Variants in CPNE4 observed in about 807,000 individuals in gnomAD.
CPNE4 encodes copine 4, also known as copine-4.
Under a neutral mutation model 67.9 loss-of-function variants are expected in CPNE4, and 25 were observed. The ratio of observed to expected loss-of-function variants is 0.37; its 90% CI spans 0.27 to 0.51. CPNE4 has a LOEUF of 0.51. Ranked by LOEUF, CPNE4 falls within the 20% of genes least tolerant of loss-of-function variation. The pLI, the probability that CPNE4 is intolerant of heterozygous loss-of-function variation, is 0.93. For synonymous variants in CPNE4, 242 were observed against 244.9 expected, an observed-to-expected ratio of 0.99 and a Z score of 0.11; for missense variants, 464 against 690.8, an observed-to-expected ratio of 0.67 and a Z score of 3.68.
At chr3:131,790,015 T>C (rs1006060616) in intron 2 of CPNE4, among the ~76,000 whole-genome samples, 1 of 152,160 alleles carries the variant, frequency 6.6e-6, no homozygotes, top group Non-Finnish European at 1.5e-5. Context: ...TCAGATCATT[T>C]AGTGGACATT....
At chr3:131,933,152 G>A (rs1483792340) in intron 1 of CPNE4, among the ~76,000 whole-genome samples, 2 of 152,070 alleles carry the variant, frequency 1.3e-5, no homozygotes, top group African/African-American at 4.8e-5. Context: ...TAAGGGCAAT[G>A]GTGAATAACT....
intron 2 of CPNE4, among the ~76,000 whole-genome samples, chr3:131,891,893 C>T (rs2088131607): frequency 6.6e-6 from 1 of 152,018 alleles, no homozygotes; most frequent in African/African-American, 2.4e-5. Context: ...GCTCATCTCA[C>T]CTCCACAAAA....
At chr3:131,994,917 A>C (rs530005198) in intron 1 of CPNE4, among the ~76,000 whole-genome samples, 1 of 152,270 alleles carries the variant, frequency 6.6e-6, no homozygotes, top group African/African-American at 2.4e-5. Flanking sequence ...TATGCCAAAC[A>C]ATTTTTTAAT....
intron 2 of CPNE4, among the ~76,000 whole-genome samples, chr3:131,743,911 C>T (rs574741257): frequency 8.3e-6 from 1 of 120,532 alleles, no homozygotes; most frequent in African/African-American, 3.1e-5. Flanking sequence ...TGCAGTGAGC[C>T]GAGATCGCGC....
At chr3:131,669,554 G>T (rs2080353075) in intron 7 of CPNE4, 121 bp downstream of exon 7, 1 of 676,504 alleles carries the variant, frequency 1.5e-6, no homozygotes. Context: ...GATGCTAAAA[G>T]ATGAGAGGGT....
At chr3:131,596,650 A>AAAAAAT in intron 7 of CPNE4, among the ~76,000 whole-genome samples, 1 of 150,246 alleles carries the variant, frequency 6.7e-6, no homozygotes, top group Non-Finnish European at 1.5e-5. Flanking sequence ...AAAAAAAAAA[A>AAAAAAT]AATTAAGTAA....
chr3:131,730,334 T>C (rs1458400137), intron 2 of CPNE4, among the ~76,000 whole-genome samples: 2 of 152,222 alleles, frequency 1.3e-5, no homozygotes, highest in Admixed American at 1.3e-4. Context: ...ATTTTACAAA[T>C]GATCCTATTA....
intron 2 of CPNE4, among the ~76,000 whole-genome samples, chr3:131,845,613 G>A (rs1256474723): frequency 6.6e-6 from 1 of 152,128 alleles, no homozygotes; most frequent in African/African-American, 2.4e-5. Context: ...TGTGGCCCAA[G>A]GCAGTTCAAA....
chr3:131,983,262 T>G (rs1290050529), intron 1 of CPNE4, among the ~76,000 whole-genome samples: 1 of 152,164 alleles, frequency 6.6e-6, no homozygotes, highest in African/African-American at 2.4e-5. Context: ...AACAGTAGGA[T>G]TCACCCTTAA....
chr3:131,935,948 A>G (rs1237980729), intron 1 of CPNE4, among the ~76,000 whole-genome samples: 2 of 151,964 alleles, frequency 1.3e-5, no homozygotes, highest in Non-Finnish European at 2.9e-5. Context: ...AAGCATTAAG[A>G]AAACCCAGGA....
intron 2 of CPNE4, among the ~76,000 whole-genome samples, chr3:131,772,044 G>T (rs2083180706): frequency 1.3e-5 from 2 of 152,070 alleles, no homozygotes; most frequent in South Asian, 2.1e-4. Context: ...AAATGAACAG[G>T]CAATGAACGG....
chr3:131,595,205 C>T (rs1480761567), intron 7 of CPNE4, among the ~76,000 whole-genome samples: 1 of 152,182 alleles, frequency 6.6e-6, no homozygotes, highest in East Asian at 1.9e-4. Context: ...TCAGCAATCC[C>T]ACACTGGGGT....
At chr3:131,793,150 C>A (rs2083824737) in intron 2 of CPNE4, among the ~76,000 whole-genome samples, 1 of 151,954 alleles carries the variant, frequency 6.6e-6, no homozygotes, top group Admixed American at 6.6e-5. Flanking sequence ...AGGACAACAC[C>A]TTAATAACAT....
chr3:131,835,708 C>T (rs2085529488), intron 2 of CPNE4, among the ~76,000 whole-genome samples: 1 of 151,780 alleles, frequency 6.6e-6, no homozygotes, highest in Non-Finnish European at 1.5e-5. Context: ...CCCTTTTTTG[C>T]CTCTCCCCAA....
chr3:132,012,291 C>A (rs556010774), intron 1 of CPNE4, among the ~76,000 whole-genome samples: 1 of 151,338 alleles, frequency 6.6e-6, no homozygotes, highest in South Asian at 2.1e-4. Context: ...GCCTCAAACT[C>A]CTGAGTAGCT....
intron 2 of CPNE4, among the ~76,000 whole-genome samples, chr3:131,746,749 C>G (rs1332672481): frequency 6.6e-6 from 1 of 152,084 alleles, no homozygotes; most frequent in Admixed American, 6.6e-5. Context: ...GCAGATATCT[C>G]TTTGATATAC....
At chr3:131,733,771 T>G (rs1307868795) in intron 2 of CPNE4, among the ~76,000 whole-genome samples, 3 of 152,144 alleles carry the variant, frequency 2.0e-5, no homozygotes, top group Admixed American at 6.5e-5. Context: ...AACAGGATGT[T>G]CCCACCATCT....
chr3:131,900,824 C>T (rs969746689), intron 2 of CPNE4, among the ~76,000 whole-genome samples: 11 of 152,034 alleles, frequency 7.2e-5, no homozygotes, highest in African/African-American at 2.4e-4. Context: ...CCGCACAAAT[C>T]GTCACTAACA....
At chr3:131,947,864 G>A (rs1466688396) in intron 1 of CPNE4, among the ~76,000 whole-genome samples, 1 of 152,130 alleles carries the variant, frequency 6.6e-6, no homozygotes, top group Non-Finnish European at 1.5e-5. Flanking sequence ...CAGTGTAAAA[G>A]TGTTCTTATT....
Sources: allele counts gnomAD v4.1 joint callset (sites outside exome capture counted in the v4.1 genomes callset), GRCh38; gene constraint gnomAD v4.1.1; transcripts MANE v1.5; gene names NCBI Gene and HGNC (gene_info 2026-07-23, HGNC 2026-07-21).